The following IRAK1BP1 variants were observed in gnomAD, a reference collection of about 807,000 sequenced individuals.
The protein encoded by IRAK1BP1 is interleukin 1 receptor associated kinase 1 binding protein 1.
IRAK1BP1 carries 24 observed loss-of-function variants against 28.0 expected under a neutral mutation model. The observed-to-expected ratio is 0.86, with a 90% confidence interval of 0.62 to 1.20. The LOEUF is 1.20. IRAK1BP1 is among the 50% of genes most tolerant of loss of function. The pLI is 0.00. For synonymous variants in IRAK1BP1, 131 were observed against 116.3 expected, an observed-to-expected ratio of 1.13 and a Z score of -0.81; for missense variants, 336 against 316.7, an observed-to-expected ratio of 1.06 and a Z score of -0.46.
downstream of IRAK1BP1, among the ~76,000 whole-genome samples, chr6:78,903,973 T>C (rs578061487): frequency 6.6e-6 from 1 of 152,322 alleles, no homozygotes; most frequent in Admixed American, 6.5e-5. Flanking sequence ...AGTAGGGCTA[T>C]GCTTGAAACA....
At chr6:78,915,177 A>G (rs1175676257) in intron 4 of IRAK1BP1, among the ~76,000 whole-genome samples, 1 of 152,210 alleles carries the variant, frequency 6.6e-6, no homozygotes, top group East Asian at 1.9e-4. Context: ...CATGCCTCAA[A>G]TGTGAACTTC....
chr6:78,936,529 C>T (rs1466964670), intron 4 of IRAK1BP1: 2 of 151,886 alleles, frequency 1.3e-5, no homozygotes. Context: ...AACCTATTTT[C>T]TTGGCTCCTT....
At chr6:78,965,313 T>C in the IRAK1BP1 span, among the ~76,000 whole-genome samples, 2 of 152,138 alleles carry the variant, frequency 1.3e-5, no homozygotes, top group African/African-American at 4.8e-5. Flanking sequence ...ACATAAAAAA[T>C]GACAAGTCAG....
chr6:78,973,357 T>G, the IRAK1BP1 span, among the ~76,000 whole-genome samples: 3 of 150,266 alleles, frequency 2.0e-5, no homozygotes, highest in African/African-American at 7.4e-5. Context: ...AGGCCTGCCC[T>G]ACAAGAGCTC....
chr6:78,946,388 A>G (rs1773819532), exon 5 of IRAK1BP1: 1 of 1,384,622 alleles, frequency 7.2e-7, no homozygotes, highest in Non-Finnish European at 9.5e-7. Flanking sequence ...TTTATAGTGG[A>G]TTTCATATGA....
At chr6:78,962,876 G>A in the IRAK1BP1 span, among the ~76,000 whole-genome samples, 13 of 152,040 alleles carry the variant, frequency 8.6e-5, no homozygotes, top group African/African-American at 2.7e-4. Context: ...ACTTCTAGGA[G>A]GCCCTTATTC....
At chr6:78,891,156 G>A (rs984796016) in intron 2 of IRAK1BP1, among the ~76,000 whole-genome samples, 1 of 152,084 alleles carries the variant, frequency 6.6e-6, no homozygotes, top group African/African-American at 2.4e-5. Flanking sequence ...TGAAGGACAT[G>A]TACAACTAAG....
intron 4 of IRAK1BP1, among the ~76,000 whole-genome samples, chr6:78,916,003 A>G (rs1772549890): frequency 6.6e-6 from 1 of 152,180 alleles, no homozygotes; most frequent in Non-Finnish European, 1.5e-5. Flanking sequence ...GAAGCAACAA[A>G]AGCAGAGATT....
the IRAK1BP1 span, among the ~76,000 whole-genome samples, chr6:78,965,017 G>A: frequency 7.9e-5 from 12 of 152,202 alleles, no homozygotes; most frequent in East Asian, 1.5e-3. Flanking sequence ...TGGTCCCAAC[G>A]TCCTTTTCTC....
At chr6:78,971,348 G>T in the IRAK1BP1 span, among the ~76,000 whole-genome samples, 1 of 152,192 alleles carries the variant, frequency 6.6e-6, no homozygotes, top group Non-Finnish European at 1.5e-5. Flanking sequence ...ATTTCATGAA[G>T]ATCAAATTTA....
intron 4 of IRAK1BP1, chr6:78,940,940 C>T (rs1222515312): frequency 6.2e-7 from 1 of 1,613,948 alleles, no homozygotes; most frequent in Admixed American, 1.7e-5. Context: ...TCGGTTACTT[C>T]TCCTTAACAC....
intron 4 of IRAK1BP1, among the ~76,000 whole-genome samples, chr6:78,923,186 G>A (rs555861945): frequency 2.6e-5 from 4 of 151,994 alleles, no homozygotes; most frequent in African/African-American, 4.8e-5. Context: ...CCCATCTCAT[G>A]TGCAGAGACA....
In IRAK1BP1 at chr6:78,871,458, C is replaced by T. The variant is rs73462251; in HGVS notation, c.315+3567C>T. The T allele has an allele frequency of 4.7e-3, 4,652 of 985,528 alleles. 164 individuals are homozygous for T. In the African/African-American group the frequency reaches 0.073, roughly 15 times the overall value. 61.0% of individuals were successfully genotyped at this position (985,528 alleles called of 1,614,324 possible). On this transcript the variant is annotated intron_variant, in intron 1 of 3. Coordinates refer to ENST00000369940, the MANE Select transcript of IRAK1BP1 (RefSeq NM_001010844.4). Reference sequence around the variant, plus strand: ...TCCTTTTTGCTTCACAACAGACCACCTCAGCCACCATGACACCCAGTAGGA... The same window carrying T: ...TCCTTTTTGCTTCACAACAGACCACTTCAGCCACCATGACACCCAGTAGGA...
chr6:78,906,557 T>C (rs1772265354), downstream of IRAK1BP1, among the ~76,000 whole-genome samples: 1 of 152,186 alleles, frequency 6.6e-6, no homozygotes, highest in Non-Finnish European at 1.5e-5. Context: ...CCAAAATATT[T>C]TTGAAAAGTA....
the IRAK1BP1 span, among the ~76,000 whole-genome samples, chr6:78,967,314 G>A: frequency 6.6e-6 from 1 of 152,134 alleles, no homozygotes; most frequent in Non-Finnish European, 1.5e-5. Flanking sequence ...AGTTTAATAA[G>A]AAGCATTCTT....
At chr6:78,959,666 T>C in the IRAK1BP1 span, among the ~76,000 whole-genome samples, 5 of 152,164 alleles carry the variant, frequency 3.3e-5, no homozygotes, top group East Asian at 3.9e-4. Context: ...CAGAGTTTAT[T>C]ATCAGGTTGG....
At chr6:78,912,407 A>G (rs974639890) in intron 4 of IRAK1BP1, among the ~76,000 whole-genome samples, 5 of 152,292 alleles carry the variant, frequency 3.3e-5, no homozygotes, top group African/African-American at 1.2e-4. Context: ...ACAATAATGT[A>G]TCTTGAAGTC....
intron 2 of IRAK1BP1, among the ~76,000 whole-genome samples, chr6:78,894,636 CT>C (rs1267691153): frequency 6.6e-6 from 1 of 152,118 alleles, no homozygotes; most frequent in African/African-American, 2.4e-5. Flanking sequence ...CAATACCCCC[CT>C]TTTCAGTAGT....
chr6:78,945,759 T>TA, exon 5 of IRAK1BP1: 1 of 599,332 alleles, frequency 1.7e-6, no homozygotes, highest in South Asian at 2.2e-5. Flanking sequence ...GTGGGTACTG[T>TA]GATTTAAATT....
Sources: allele counts gnomAD v4.1 joint callset (sites outside exome capture counted in the v4.1 genomes callset), GRCh38; gene constraint gnomAD v4.1.1; transcripts MANE v1.5; gene names NCBI Gene and HGNC (gene_info 2026-07-23, HGNC 2026-07-21).